TF: variants seen among roughly 807,000 people sequenced by gnomAD.
TF encodes serotransferrin.
TF carries 55 observed loss-of-function variants against 82.4 expected under a neutral mutation model. That is an observed-to-expected ratio of 0.67 (90% CI 0.54 to 0.84). TF has a LOEUF of 0.84. Ranked by LOEUF, TF falls within the 40% of genes least tolerant of loss-of-function variation. The probability of loss-of-function intolerance (pLI) is 0.00; values close to 1 mark genes in which losing one functional copy is unlikely to be tolerated. For synonymous variants in TF, 332 were observed against 332.6 expected, an observed-to-expected ratio of 1.00 and a Z score of 0.02; for missense variants, 737 against 868.4, an observed-to-expected ratio of 0.85 and a Z score of 1.90.
At chr3:133,758,365 C>T (rs1395819744) in intron 8 of TF, among the ~76,000 whole-genome samples, 2 of 152,208 alleles carry the variant, frequency 1.3e-5, no homozygotes, top group East Asian at 3.8e-4. Flanking sequence ...CACTGAGTCA[C>T]TGTGGTTTTG....
At chr3:133,689,580 T>G in the TF span, among the ~76,000 whole-genome samples, 368 of 152,252 alleles carry the variant, frequency 2.4e-3, 1 homozygote, top group African/African-American at 8.4e-3. Context: ...ATTTTAAAGT[T>G]GTATTATGAA....
the TF span, among the ~76,000 whole-genome samples, chr3:133,737,929 T>C: frequency 1.3e-5 from 2 of 151,814 alleles, no homozygotes; most frequent in African/African-American, 4.8e-5. Context: ...TTCCAAACCA[T>C]AGAAAAAGAG....
chr3:133,746,991 C>A (rs41298279), intron 1 of TF, among the ~76,000 whole-genome samples: 69 of 152,210 alleles, frequency 4.5e-4, no homozygotes, highest in Admixed American at 7.2e-4. Context: ...GGGGTCATCA[C>A]AGCACTTGCC....
chr3:133,764,382 C>T (rs1934073681), intron 10 of TF, 107 bp downstream of exon 10: 2 of 939,818 alleles, frequency 2.1e-6, no homozygotes, highest in Non-Finnish European at 3.5e-6. Context: ...TAAAGCTTTC[C>T]CTCTCTGAGC....
At chr3:133,760,459 C>G (rs1933966194) in intron 9 of TF, 1 of 154,364 alleles carries the variant, frequency 6.5e-6, no homozygotes. Context: ...AAAAACCAAA[C>G]TAAGTTAAAG....
the TF span, among the ~76,000 whole-genome samples, chr3:133,723,969 T>C: frequency 6.6e-6 from 1 of 152,190 alleles, no homozygotes; most frequent in Non-Finnish European, 1.5e-5. Context: ...TCCATGTCCC[T>C]ACAAAGGACA....
At chr3:133,682,189 A>C in the TF span, among the ~76,000 whole-genome samples, 1 of 152,102 alleles carries the variant, frequency 6.6e-6, no homozygotes, top group Admixed American at 6.6e-5. Flanking sequence ...CAACACCAAA[A>C]CCCCATCTGT....
intron 11 of TF, among the ~76,000 whole-genome samples, chr3:133,765,429 C>T (rs547423300): frequency 2.0e-5 from 3 of 152,328 alleles, no homozygotes; most frequent in African/African-American, 7.2e-5. Context: ...TCACCCAGGG[C>T]TCTGGGTAAG....
Position 133,755,380 on chromosome 3 carries a change from T to C in TF, c.520T>C (p.Ser174Pro). The C allele has an allele frequency of 6.2e-7, 1 of 1,614,236 alleles. No individual in the cohort carries two copies. Among genetic ancestry groups the C allele is most frequent in the Non-Finnish European group, 8.5e-7 (1 of 1,180,038 alleles). Residue 174 changes from serine (S) to proline (P), a missense_variant, in exon 5 of 17, where the codon TCG (serine) becomes CCG (proline). Coordinates refer to ENST00000402696, the MANE Select transcript of TF (RefSeq NM_001063.4). The part of the protein sequence containing the change: ...PLEKAVANFF[S>P]GSCAPCADGT... Reference sequence around the variant, plus strand: ...CTGAGCAGCAGTGGCCAATTTCTTCTCGGGCAGCTGTGCCCCTTGTGCGGA... The same window carrying C: ...CTGAGCAGCAGTGGCCAATTTCTTCCCGGGCAGCTGTGCCCCTTGTGCGGA...
the TF span, among the ~76,000 whole-genome samples, chr3:133,673,688 C>G: frequency 1.3e-5 from 2 of 151,526 alleles, no homozygotes; most frequent in African/African-American, 4.8e-5. Context: ...ATAATGGGTA[C>G]CTTTGTGGGA....
chr3:133,666,620 A>G, the TF span, among the ~76,000 whole-genome samples: 1 of 152,236 alleles, frequency 6.6e-6, no homozygotes, highest in Non-Finnish European at 1.5e-5. Context: ...AAGAGGAGGT[A>G]AAATAGAATG....
At chr3:133,715,641 T>C in the TF span, among the ~76,000 whole-genome samples, 1 of 152,238 alleles carries the variant, frequency 6.6e-6, no homozygotes, top group Non-Finnish European at 1.5e-5. Flanking sequence ...TAAATATCTT[T>C]GCTAACTCAT....
chr3:133,740,804 G>T, the TF span, among the ~76,000 whole-genome samples: 1 of 151,474 alleles, frequency 6.6e-6, no homozygotes, highest in African/African-American at 2.4e-5. Flanking sequence ...CATTTACTTT[G>T]AGTTTCTTAA....
chr3:133,706,793 C>A, the TF span, among the ~76,000 whole-genome samples: 1 of 152,100 alleles, frequency 6.6e-6, no homozygotes, highest in Non-Finnish European at 1.5e-5. Context: ...CACAGCCCAC[C>A]CTGCACAAAG....
chr3:133,700,497 C>A, the TF span, among the ~76,000 whole-genome samples: 4 of 152,358 alleles, frequency 2.6e-5, 1 homozygote, highest in African/African-American at 9.6e-5. Flanking sequence ...CTCAGGAAGT[C>A]TGATTGCAGC....
At position 133,787,296 on chromosome 3, in the gene TF, A is replaced by T. The variant is rs993941583; in HGVS notation, c.*8676A>T. 2 of 152,144 alleles carry T rather than the reference A, an allele frequency of 1.3e-5. No individual in the cohort carries two copies. Among genetic ancestry groups the T allele is most frequent in the Non-Finnish European group, 2.9e-5 (2 of 68,022 alleles). 9.4% of individuals were successfully genotyped at this position (152,144 alleles called of 1,614,324 possible). A position where few individuals can be genotyped will look rare whatever the true frequency, so the allele number is the denominator to read the frequency against. On this transcript the variant is annotated 3_prime_UTR_variant, in exon 17 of 17. Coordinates refer to ENST00000402696, the MANE Select transcript of TF (RefSeq NM_001063.4). ...CTTCTGTAAATGATTTTTGGGTATGAATTTGTTCAGCCATCTCTAAGCGTT... is the reference window on the plus strand; with the variant it reads ...CTTCTGTAAATGATTTTTGGGTATGTATTTGTTCAGCCATCTCTAAGCGTT...
the TF span, among the ~76,000 whole-genome samples, chr3:133,735,166 C>A: frequency 6.6e-6 from 1 of 151,936 alleles, no homozygotes; most frequent in Non-Finnish European, 1.5e-5. Context: ...GATGGTGAAA[C>A]CCCGTCTCTA....
At chr3:133,666,904 C>A in the TF span, among the ~76,000 whole-genome samples, 4 of 152,130 alleles carry the variant, frequency 2.6e-5, no homozygotes, top group Admixed American at 2.6e-4. Flanking sequence ...GGCGTGGTGG[C>A]GGGCGCCTGT....
the TF span, among the ~76,000 whole-genome samples, chr3:133,708,471 C>A: frequency 1.2e-4 from 19 of 152,030 alleles, no homozygotes; most frequent in Admixed American, 1.2e-3. Flanking sequence ...ATAATGGTAG[C>A]TATTGGGAGG....
Sources: gnomAD v4.1 joint callset for allele counts (sites outside exome capture counted in the v4.1 genomes callset) on GRCh38, gnomAD v4.1.1 for gene constraint, MANE v1.5 for transcripts, NCBI Gene and HGNC (gene_info 2026-07-23, HGNC 2026-07-21) for gene names.